Variants in SELENOI observed in about 807,000 individuals in gnomAD.
SELENOI encodes the protein ethanolaminephosphotransferase 1.
In SELENOI, 24 loss-of-function variants were observed where a neutral mutation model predicts 50.7. The observed-to-expected ratio is 0.47, with a 90% CI of 0.34 to 0.67. The LOEUF (loss-of-function observed/expected upper bound fraction) is 0.67. SELENOI is among the 30% of genes least tolerant of loss of function. SELENOI has a pLI of 0.01. For synonymous variants in SELENOI, 155 were observed against 170.2 expected (o/e 0.91, Z 0.70); for missense variants, 352 against 461.4 (o/e 0.76, Z 2.17).
At chr2:26,370,950 C>G (rs1487659147) in intron 4 of SELENOI, among the ~76,000 whole-genome samples, 2 of 101,682 alleles carry the variant, frequency 2.0e-5, no homozygotes, top group Non-Finnish European at 4.7e-5. Context: ...ACCTCCCTCC[C>G]GGATGGGGCG....
At chr2:26,356,301 G>C (rs1677064002) in intron 1 of SELENOI, among the ~76,000 whole-genome samples, 2 of 152,176 alleles carry the variant, frequency 1.3e-5, no homozygotes, top group South Asian at 4.1e-4. Context: ...GGGACTACAG[G>C]CGTGTACTAC....
intron 1 of SELENOI, 61 bp from the exon 2 acceptor site, chr2:26,364,241 G>A: frequency 2.5e-6 from 3 of 1,190,066 alleles, no homozygotes; most frequent in Non-Finnish European, 3.6e-6. Context: ...CCTAAGAAAT[G>A]TTATTCTGTC....
Position 26,389,274 on chromosome 2 carries a change from T to C in SELENOI, c.*171T>C. The stretch of plus-strand genomic sequence containing the variant: ...CTTGGGAAATTTTGGACCTACTAAC[T>C]CTAAGCCTATTTTATTTTTTATAAA... On this transcript the variant is annotated 3_prime_UTR_variant, in exon 10 of 10. Coordinates refer to ENST00000260585, the MANE Select transcript of SELENOI (RefSeq NM_033505.4). 2 of 548,238 alleles carry C rather than the reference T, an allele frequency of 3.6e-6. No homozygotes were observed. Among genetic ancestry groups the C allele is most frequent in the Non-Finnish European group, 6.5e-6 (2 of 308,752 alleles). 34.0% of individuals were successfully genotyped at this position (548,238 alleles called of 1,614,324 possible).
chr2:26,364,184 TG>T lies in SELENOI; in HGVS notation c.58-115del, dbSNP rs1283773936. 53 of 660,092 alleles carry T rather than the reference TG, an allele frequency of 8.0e-5. No homozygotes were observed. In the East Asian group the frequency reaches 1.7e-3, roughly 22 times the overall value. 40.9% of individuals were successfully genotyped at this position (660,092 alleles called of 1,614,324 possible). ...CTCAGGCCTCAGCCTTTTGAGTAGC[TG>T]GGTTATATGCATGCGCCACTGCGCC... On this transcript the variant is annotated intron_variant, in intron 1 of 9. Transcript: ENST00000260585.
chr2:26,384,380 GC>G (rs1677795468), intron 7 of SELENOI, among the ~76,000 whole-genome samples: 1 of 152,112 alleles, frequency 6.6e-6, no homozygotes, highest in South Asian at 2.1e-4. Context: ...GCAACATATT[GC>G]CCGAGGTCGT....
intron 1 of SELENOI, among the ~76,000 whole-genome samples, chr2:26,356,022 G>A (rs773714919): frequency 5.3e-5 from 8 of 152,184 alleles, no homozygotes; most frequent in East Asian, 3.8e-4. Flanking sequence ...CATTATTGGC[G>A]TGAGCCACCT....
chr2:26,378,914 AC>A (rs1232719553), intron 6 of SELENOI, among the ~76,000 whole-genome samples: 1 of 152,178 alleles, frequency 6.6e-6, no homozygotes, highest in Non-Finnish European at 1.5e-5. Context: ...TAAAAGAACC[AC>A]AATTGATGTA....
chr2:26,382,292 T>C (rs1450921366), intron 6 of SELENOI, among the ~76,000 whole-genome samples: 2 of 152,124 alleles, frequency 1.3e-5, no homozygotes, highest in African/African-American at 4.8e-5. Flanking sequence ...GGAAGTAGAA[T>C]TGGCAACAAA....
At chr2:26,358,263 C>T (rs1360444204) in intron 1 of SELENOI, among the ~76,000 whole-genome samples, 3 of 152,086 alleles carry the variant, frequency 2.0e-5, no homozygotes, top group Non-Finnish European at 4.4e-5. Context: ...TTTAGCCAGG[C>T]TATGGGGTGC....
chr2:26,375,073 G>T lies in SELENOI; in HGVS notation c.607G>T (p.Val203Leu), dbSNP rs747756683. ...TTTTGTCTACATAGTGACTGCAGTT[G>T]TGGGAGTTGAGGCCTGGTATGAACC... ...ISFVYIVTAV[V>L]GVEAWYEPFL... The change falls in exon 6 of 10, where the codon GTG becomes TTG. Residue 203 changes from valine to leucine, a missense_variant. Physicochemically the swap from Val to Leu is conservative, Grantham distance 32. Transcript: ENST00000260585. 7 of 1,613,398 alleles carry T rather than the reference G, an allele frequency of 4.3e-6. No individual in the cohort carries two copies. The highest frequency in any genetic ancestry group is 5.9e-6 in the Non-Finnish European group (7 of 1,179,516).
At chr2:26,365,462 C>T (rs1574754793) in intron 3 of SELENOI, among the ~76,000 whole-genome samples, 1 of 152,244 alleles carries the variant, frequency 6.6e-6, no homozygotes, top group South Asian at 2.1e-4. Flanking sequence ...TCTTCTCTCT[C>T]ACTCATTTTA....
chr2:26,389,204 C>T lies in SELENOI; in HGVS notation c.*101C>T, dbSNP rs886186115. 27 of 919,468 alleles carry T rather than the reference C, an allele frequency of 2.9e-5. No homozygotes were observed. The highest frequency in any genetic ancestry group is 4.4e-5 in the Non-Finnish European group (26 of 588,120). The allele number at this position is 919,468 out of a possible 1,614,324, so 57.0% of individuals were successfully genotyped here. A position where few individuals can be genotyped will look rare whatever the true frequency, so the allele number is the denominator to read the frequency against. ...CTGATCTGCTTGACAGACGTGGGAT[C>T]TCAGTATGGTACTTGGACAGCAGGA... On this transcript the variant is annotated 3_prime_UTR_variant, in exon 10 of 10. Coordinates refer to ENST00000260585, the MANE Select transcript of SELENOI (RefSeq NM_033505.4).
chr2:26,380,512 G>A (rs551080378), intron 6 of SELENOI, among the ~76,000 whole-genome samples: 4 of 152,276 alleles, frequency 2.6e-5, no homozygotes, highest in Non-Finnish European at 5.9e-5. Context: ...GTACCGTAGT[G>A]TGTCCAACCA....
At chr2:26,386,587 C>T (rs1677849281) in intron 9 of SELENOI, 51 bp downstream of exon 9, 1 of 1,407,020 alleles carries the variant, frequency 7.1e-7, no homozygotes, top group Admixed American at 2.7e-5. Context: ...TAAATGGCAC[C>T]AATAAATGCC....
intron 1 of SELENOI, among the ~76,000 whole-genome samples, chr2:26,355,600 G>T (rs1677046738): frequency 6.6e-6 from 1 of 151,866 alleles, no homozygotes; most frequent in African/African-American, 2.4e-5. Context: ...TTGTCTCATT[G>T]CTCTAATTCT....
At chr2:26,380,511 T>G (rs774746618) in intron 6 of SELENOI, among the ~76,000 whole-genome samples, 40 of 152,212 alleles carry the variant, frequency 2.6e-4, no homozygotes, top group Middle Eastern at 3.2e-3. Context: ...TGTACCGTAG[T>G]GTGTCCAACC....
In SELENOI at chr2:26,384,987, A is replaced by C. The variant is rs369323271; in HGVS notation, c.760A>C (p.Asn254His). 44 of 1,607,878 alleles carry C rather than the reference A, an allele frequency of 2.7e-5. No individual in the cohort carries two copies. The African/African-American group carries it at 5.6e-4, about 21-fold the overall frequency. The change falls in exon 8 of 10, where the codon AAT (asparagine) becomes CAT (histidine). Residue 254 changes from asparagine to histidine, a missense_variant. Coordinates refer to ENST00000260585, the MANE Select transcript of SELENOI (RefSeq NM_033505.4). ...CTATAAAAATAACACCTTGAAACTC[A>C]ATTCAGTCTATGAAGCTATGGTTCC... is the stretch of plus-strand genomic sequence containing the variant. ...RSYKNNTLKLNSVYEAMVPLF... is the reference protein window; with the variant it reads ...RSYKNNTLKLHSVYEAMVPLF...
chr2:26,371,731 T>C (rs552496490), intron 4 of SELENOI, among the ~76,000 whole-genome samples: 3 of 152,052 alleles, frequency 2.0e-5, no homozygotes, highest in East Asian at 1.9e-4. Context: ...CGTGGCGGCG[T>C]GCGCCTGCAA....
In SELENOI at chr2:26,383,339, C is replaced by A; in HGVS notation, c.723C>A (p.Asn241Lys). Residue 241 changes from asparagine to lysine, a missense_variant, in exon 7 of 10, where the codon AAC (asparagine) becomes AAA (lysine). By Grantham distance (94) the Asn-to-Lys change is moderately conservative. Transcript: ENST00000260585. Reference protein sequence around the residue: ...LCVTLPMSLLNFFRSYKNNTL... With the variant: ...LCVTLPMSLLKFFRSYKNNTL... ...TGACTCTTCCAATGAGTTTATTAAA[C>A]TTTTTCAGGTAAGTATTTTATTTTT... 1 of 1,535,974 alleles carries A rather than the reference C, an allele frequency of 6.5e-7. No homozygotes were observed. Among genetic ancestry groups the A allele is most frequent in the Non-Finnish European group, 8.8e-7 (1 of 1,132,020 alleles).
Sources: allele counts gnomAD v4.1 joint callset (sites outside exome capture counted in the v4.1 genomes callset), GRCh38; gene constraint gnomAD v4.1.1; transcripts MANE v1.5; gene names NCBI Gene and HGNC (gene_info 2026-07-23, HGNC 2026-07-21).